The following LY86 variants were observed in gnomAD, a reference collection of about 807,000 sequenced individuals.
LY86 encodes the protein MD-1, RP105-associated.
LY86 carries 20 observed loss-of-function variants against 17.3 expected under a neutral mutation model. That is an observed-to-expected ratio of 1.15 (90% CI 0.81 to 1.68). LY86 has a LOEUF of 1.68. Ranked by LOEUF, LY86 falls within the 40% of genes most tolerant of loss-of-function variation. LY86 has a pLI of 0.00. For missense variants in LY86, 200 were observed against 191.9 expected (o/e 1.04, Z -0.25); for synonymous variants, 74 against 70.6 (o/e 1.05, Z -0.24).
intron 3 of LY86, 89 bp downstream of exon 3, chr6:6,626,510 G>A (rs2233127): frequency 1.5e-4 from 216 of 1,466,414 alleles, no homozygotes; most frequent in Middle Eastern, 4.7e-4. Flanking sequence ...CCAGACCAGA[G>A]CTCTGTCTCT....
intron 3 of LY86, among the ~76,000 whole-genome samples, chr6:6,647,689 G>A (rs1389459331): frequency 3.3e-5 from 5 of 152,018 alleles, no homozygotes; most frequent in East Asian, 1.9e-4. Context: ...TCCACTGACC[G>A]TCTCTTCTTA....
intron 3 of LY86, among the ~76,000 whole-genome samples, chr6:6,627,164 G>C (rs1337163553): frequency 6.6e-6 from 1 of 152,162 alleles, no homozygotes; most frequent in East Asian, 1.9e-4. Flanking sequence ...TCCCCTCCCA[G>C]GGTCTCCTTC....
At position 6,614,797 on chromosome 6, in the gene LY86, G is replaced by A. The variant is rs185259143; in HGVS notation, c.137-10129G>A. ...GCAAGAATCCTACCTAAGCAGGGCC[G>A]TGCCTTTCTTGAAAGAATTCTTGAG... On this transcript the variant is annotated intron_variant, in intron 1 of 4. Transcript: ENST00000230568. Among the ~76,000 whole-genome samples, 27 of 152,082 alleles carry A rather than the reference G, an allele frequency of 1.8e-4. No individual in the cohort carries two copies. In the East Asian group the frequency reaches 4.8e-3, roughly 27 times the overall value.
intron 1 of LY86, among the ~76,000 whole-genome samples, chr6:6,590,790 A>C (rs1431617503): frequency 1.3e-5 from 2 of 152,210 alleles, no homozygotes; most frequent in Non-Finnish European, 2.9e-5. Context: ...AGTGATGAGG[A>C]TGCAGTGCTT....
chr6:6,593,699 T>C (rs1202994970), intron 1 of LY86, among the ~76,000 whole-genome samples: 1 of 152,180 alleles, frequency 6.6e-6, no homozygotes, highest in Non-Finnish European at 1.5e-5. Context: ...GAAATAAAAT[T>C]AGTTTTTAAG....
chr6:6,613,367 C>T (rs557763847), intron 1 of LY86, among the ~76,000 whole-genome samples: 161 of 152,278 alleles, frequency 1.1e-3, no homozygotes, highest in Middle Eastern at 3.4e-3. Context: ...CTCATAAGCT[C>T]ACAGCGGGGG....
chr6:6,630,054 A>G (rs570520710), intron 3 of LY86, among the ~76,000 whole-genome samples: 1 of 152,280 alleles, frequency 6.6e-6, no homozygotes, highest in African/African-American at 2.4e-5. Context: ...CTGAAAGAGT[A>G]CACACTTTAG....
intron 4 of LY86, among the ~76,000 whole-genome samples, chr6:6,650,718 T>G (rs1300321729): frequency 6.6e-6 from 1 of 152,216 alleles, no homozygotes; most frequent in Non-Finnish European, 1.5e-5. Context: ...TATGTGTATG[T>G]AATATGTAGT....
intron 2 of LY86, 37 bp from the exon 3 acceptor site, chr6:6,626,256 C>T (rs374268723): frequency 8.7e-6 from 14 of 1,608,426 alleles, no homozygotes; most frequent in East Asian, 4.5e-5. Flanking sequence ...CAGTGAAACA[C>T]GCAGTAAGAG....
chr6:6,588,951 TTGGGG>T lies in LY86; in HGVS notation c.136+86_136+90del. Reference sequence around the variant, plus strand: ...GTGAGCCGCTAGTGCTCAGTTGGAGTTGGGGTGGGAGGGGAGAGGGGACCAGCAGC... The same window carrying T: ...GTGAGCCGCTAGTGCTCAGTTGGAGTTGGGAGGGGAGAGGGGACCAGCAGC... On this transcript the variant is annotated intron_variant, in intron 1 of 4. Coordinates refer to ENST00000230568, the MANE Select transcript of LY86 (RefSeq NM_004271.4). The T allele has an allele frequency of 2.1e-6, 3 of 1,457,048 alleles. No homozygotes were observed. The South Asian group carries it at 3.9e-5, about 19-fold the overall frequency. 90.3% of individuals were successfully genotyped at this position (1,457,048 alleles called of 1,614,324 possible). A position where few individuals can be genotyped will look rare whatever the true frequency, so the allele number is the denominator to read the frequency against.
chr6:6,605,872 T>C (rs146545721), intron 1 of LY86, among the ~76,000 whole-genome samples: 2 of 150,062 alleles, frequency 1.3e-5, no homozygotes, highest in South Asian at 2.1e-4. Context: ...CTGGAGCTCT[T>C]CGTTTCTCGC....
intron 1 of LY86, among the ~76,000 whole-genome samples, chr6:6,614,581 G>T (rs1168644915): frequency 2.0e-5 from 3 of 151,986 alleles, no homozygotes; most frequent in Non-Finnish European, 4.4e-5. Flanking sequence ...TCTCCACATT[G>T]GGAGTTTTTT....
intron 1 of LY86, among the ~76,000 whole-genome samples, chr6:6,603,336 G>C (rs1760972926): frequency 6.8e-6 from 1 of 146,612 alleles, no homozygotes; most frequent in Non-Finnish European, 1.5e-5. Flanking sequence ...TTCATGAACA[G>C]GACACTGGCA....
intron 4 of LY86, among the ~76,000 whole-genome samples, chr6:6,651,165 A>G (rs1411880311): frequency 6.6e-6 from 1 of 152,240 alleles, no homozygotes; most frequent in East Asian, 1.9e-4. Flanking sequence ...TGTAGTGAAT[A>G]GTGCTGCAAT....
intron 1 of LY86, among the ~76,000 whole-genome samples, chr6:6,610,066 CAT>C (rs1392692194): frequency 1.3e-5 from 2 of 152,186 alleles, no homozygotes; most frequent in Admixed American, 6.5e-5. Flanking sequence ...GAATTACACA[CAT>C]GAGCCACCAC....
chr6:6,630,378 G>T (rs913530831), intron 3 of LY86, among the ~76,000 whole-genome samples: 1 of 152,204 alleles, frequency 6.6e-6, no homozygotes, highest in African/African-American at 2.4e-5. Flanking sequence ...CTCAGGCTGT[G>T]GGCTCACTGA....
chr6:6,613,377 G>A (rs933390323), intron 1 of LY86, among the ~76,000 whole-genome samples: 2 of 152,166 alleles, frequency 1.3e-5, no homozygotes, highest in Non-Finnish European at 2.9e-5. Flanking sequence ...CACAGCGGGG[G>A]AGTGGGGAGC....
intron 1 of LY86, among the ~76,000 whole-genome samples, chr6:6,611,888 A>G (rs1280372513): frequency 2.0e-5 from 3 of 152,012 alleles, no homozygotes; most frequent in African/African-American, 7.3e-5. Context: ...CACCTACCAA[A>G]AATAAGAAAA....
At position 6,654,529 on chromosome 6, in the gene LY86, C is replaced by A. The variant is rs371027753; in HGVS notation, c.406-15C>A. The A allele has an allele frequency of 7.9e-5, 125 of 1,590,064 alleles. No individual in the cohort carries two copies. Among genetic ancestry groups the A allele is most frequent in the Non-Finnish European group, 1.1e-4 (123 of 1,158,286 alleles). ...GTGGGTCACACGTCTAATACTTGAC[C>A]TGTGCCCCTTGCAGGGAGAATACCA... On this transcript the variant is annotated splice_polypyrimidine_tract_variant and intron_variant, in intron 4 of 4. Transcript: ENST00000230568.
Sources: allele counts gnomAD v4.1 joint callset (sites outside exome capture counted in the v4.1 genomes callset), GRCh38; gene constraint gnomAD v4.1.1; transcripts MANE v1.5; gene names NCBI Gene and HGNC (gene_info 2026-07-23, HGNC 2026-07-21).